Variants in PRKN observed in about 807,000 individuals in gnomAD.
PRKN encodes the protein parkin RBR E3 ubiquitin protein ligase, also known as E3 ubiquitin-protein ligase parkin.
In PRKN, 56 loss-of-function variants were observed where a neutral mutation model predicts 59.5. The observed-to-expected ratio is 0.94, with a 90% CI of 0.76 to 1.18. The LOEUF (loss-of-function observed/expected upper bound fraction) is 1.18. Ranked by LOEUF, PRKN falls within the 50% of genes most tolerant of loss-of-function variation. The probability of loss-of-function intolerance (pLI) is 0.00; values close to 1 mark genes in which losing one functional copy is unlikely to be tolerated. For missense variants in PRKN, 657 were observed against 596.4 expected (o/e 1.10, Z -1.06); for synonymous variants, 250 against 222.1 (o/e 1.13, Z -1.12).
intron 7 of PRKN, among the ~76,000 whole-genome samples, chr6:161,676,566 T>C (rs1031211551): frequency 5.3e-5 from 8 of 152,194 alleles, no homozygotes; most frequent in African/African-American, 1.7e-4. Context: ...GCCTCACTCA[T>C]TCGTTCATGG....
At chr6:161,531,732 G>GA (rs1779220712) in intron 9 of PRKN, among the ~76,000 whole-genome samples, 1 of 152,078 alleles carries the variant, frequency 6.6e-6, no homozygotes, top group South Asian at 2.1e-4. Flanking sequence ...AGGGTGCTCT[G>GA]AAAAAAATCA....
At chr6:162,612,353 T>C (rs1782224324) in intron 1 of PRKN, among the ~76,000 whole-genome samples, 1 of 152,032 alleles carries the variant, frequency 6.6e-6, no homozygotes, top group East Asian at 1.9e-4. Context: ...GGATGGAATG[T>C]TGAGGTTCCT....
At chr6:162,364,364 G>A (rs141022078) in intron 2 of PRKN, among the ~76,000 whole-genome samples, 5 of 152,214 alleles carry the variant, frequency 3.3e-5, no homozygotes, top group East Asian at 1.9e-4. Context: ...CATCAGTGTC[G>A]TGGAGACTTG....
At chr6:162,015,648 T>C (rs1419808088) in intron 5 of PRKN, among the ~76,000 whole-genome samples, 7 of 152,146 alleles carry the variant, frequency 4.6e-5, no homozygotes, top group Non-Finnish European at 1.0e-4. Flanking sequence ...CTCTCTGAAA[T>C]TGAAGCAAAT....
chr6:162,229,347 G>C (rs1485787061), intron 3 of PRKN, among the ~76,000 whole-genome samples: 1 of 152,048 alleles, frequency 6.6e-6, no homozygotes, highest in Admixed American at 6.6e-5. Flanking sequence ...GATACTGTAG[G>C]TTTTATCATC....
chr6:162,446,262 T>C (rs187615708), intron 1 of PRKN, among the ~76,000 whole-genome samples: 1 of 152,258 alleles, frequency 6.6e-6, no homozygotes, highest in East Asian at 1.9e-4. Flanking sequence ...CTAAATTTCA[T>C]TTTCTACTAG....
At chr6:161,969,994 T>A (rs1780739918) in intron 6 of PRKN, among the ~76,000 whole-genome samples, 1 of 152,120 alleles carries the variant, frequency 6.6e-6, no homozygotes, top group African/African-American at 2.4e-5. Flanking sequence ...GAATTTTAGG[T>A]ACCTATTTTT....
In PRKN at chr6:161,470,817, T is replaced by C. The variant is rs1212212265; in HGVS notation, c.1083+78037A>G. 1.3e-5 allele frequency among the ~76,000 whole-genome samples: 2 copies of C among 152,104 alleles called. No individual in the cohort carries two copies. The highest frequency in any genetic ancestry group is 2.4e-5 in the African/African-American group (1 of 41,432). On this transcript the variant is annotated intron_variant, in intron 9 of 11. Transcript: ENST00000366898. This position sits in a 1 kb window ranked among gnomAD's most constrained non-coding sequence, Gnocchi z 5.1. Reference sequence around the variant, plus strand: ...CTGAAGGGCTGCCACATGTAGGGGATGTGGATGAATCTGAGATTTGTGGGC... The same window carrying C: ...CTGAAGGGCTGCCACATGTAGGGGACGTGGATGAATCTGAGATTTGTGGGC...
chr6:161,633,012 T>C (rs1783374907), intron 7 of PRKN, among the ~76,000 whole-genome samples: 1 of 152,322 alleles, frequency 6.6e-6, no homozygotes, highest in Non-Finnish European at 1.5e-5. Flanking sequence ...TCTCTCTCTG[T>C]TAGACCTATG....
chr6:162,276,980 C>T (rs1780664108), intron 2 of PRKN, among the ~76,000 whole-genome samples: 1 of 151,948 alleles, frequency 6.6e-6, no homozygotes, highest in South Asian at 2.1e-4. Flanking sequence ...GGTTATAATA[C>T]ATTAAAGAAA....
Position 162,366,560 on chromosome 6 carries a change from G to A in PRKN, c.171+76750C>T, listed in dbSNP as rs142485074. 3.5e-3 allele frequency among the ~76,000 whole-genome samples: 535 copies of A among 152,252 alleles called. 2 individuals are homozygous for A. Among genetic ancestry groups the A allele is most frequent in the Non-Finnish European group, 4.7e-3 (323 of 68,024 alleles). On this transcript the variant is annotated intron_variant, in intron 2 of 11. Coordinates refer to ENST00000366898, the MANE Select transcript of PRKN (RefSeq NM_004562.3). Reference sequence around the variant, plus strand: ...TTTCCACTGCATTCCCTGTAAAGGTGTGTTAATAGAAATGTTTCTTTGATC... The same window carrying A: ...TTTCCACTGCATTCCCTGTAAAGGTATGTTAATAGAAATGTTTCTTTGATC...
chr6:161,986,342 C>A (rs1781434791), intron 5 of PRKN, among the ~76,000 whole-genome samples: 1 of 152,198 alleles, frequency 6.6e-6, no homozygotes. Flanking sequence ...CCTCTACTGT[C>A]AGCTTGTTCT....
At chr6:162,236,025 C>G (rs183729810) in intron 3 of PRKN, among the ~76,000 whole-genome samples, 6 of 112,930 alleles carry the variant, frequency 5.3e-5, no homozygotes, top group African/African-American at 2.0e-4. Context: ...AAGAAAGAAA[C>G]TCCTCACCCT....
intron 1 of PRKN, among the ~76,000 whole-genome samples, chr6:162,446,140 C>T (rs1468617123): frequency 6.6e-6 from 1 of 152,092 alleles, no homozygotes; most frequent in Admixed American, 6.6e-5. Flanking sequence ...GTATTGGAAG[C>T]CCTGAGGTAT....
At chr6:162,448,388 C>G (rs190119051) in intron 1 of PRKN, among the ~76,000 whole-genome samples, 1 of 152,202 alleles carries the variant, frequency 6.6e-6, no homozygotes, top group East Asian at 1.9e-4. Flanking sequence ...TCTTATCACC[C>G]TGGTCTCCAT....
intron 1 of PRKN, among the ~76,000 whole-genome samples, chr6:162,629,016 A>G (rs1467368258): frequency 6.6e-6 from 1 of 152,108 alleles, no homozygotes; most frequent in Non-Finnish European, 1.5e-5. Flanking sequence ...CTAATTTAAA[A>G]CTAATTATTT....
intron 9 of PRKN, among the ~76,000 whole-genome samples, chr6:161,532,166 C>CTCTCTCTCTA (rs1355724171): frequency 5.7e-4 from 66 of 115,394 alleles, no homozygotes; most frequent in African/African-American, 2.2e-3. Flanking sequence ...CTCTCTCTCT[C>CTCTCTCTCTA]TATATATATA....
chr6:161,804,173 C>T (rs1053293244), intron 6 of PRKN, among the ~76,000 whole-genome samples: 7 of 152,174 alleles, frequency 4.6e-5, no homozygotes, highest in Admixed American at 3.3e-4. Context: ...TAATGAAGAG[C>T]GCAGAGTATC....
chr6:161,439,365 C>A (rs940077370), intron 9 of PRKN, among the ~76,000 whole-genome samples: 2 of 152,164 alleles, frequency 1.3e-5, no homozygotes, highest in African/African-American at 4.8e-5. Context: ...ACAGGGTAAT[C>A]AGAAAAGTGC....
Sources: allele counts gnomAD v4.1 joint callset (sites outside exome capture counted in the v4.1 genomes callset), GRCh38; gene constraint gnomAD v4.1.1; non-coding constraint Gnocchi (gnomAD v3.1); transcripts MANE v1.5; gene names NCBI Gene and HGNC (gene_info 2026-07-23, HGNC 2026-07-21).